The following WDPCP variants were observed in gnomAD, a reference collection of about 807,000 sequenced individuals.
WDPCP encodes WD repeat containing planar cell polarity effector.
In WDPCP, 71 loss-of-function variants were observed where a neutral mutation model predicts 93.1. The ratio of observed to expected loss-of-function variants is 0.76; its 90% confidence interval spans 0.63 to 0.93. The LOEUF is 0.93. Ranked by LOEUF, WDPCP falls within the 40% of genes least tolerant of loss-of-function variation. The probability of loss-of-function intolerance (pLI) is 0.00; values close to 1 mark genes in which losing one functional copy is unlikely to be tolerated. For synonymous variants in WDPCP, 315 were observed against 315.0 expected, an observed-to-expected ratio of 1.00 and a Z score of 0.00; for missense variants, 844 against 887.4, an observed-to-expected ratio of 0.95 and a Z score of 0.62.
At chr2:63,336,436 A>G (rs527272568) in intron 12 of WDPCP, among the ~76,000 whole-genome samples, 128 of 152,292 alleles carry the variant, frequency 8.4e-4, no homozygotes, top group African/African-American at 3.0e-3. Flanking sequence ...TTTGTTCCCA[A>G]TCTTAGGCGG....
intron 2 of WDPCP, among the ~76,000 whole-genome samples, chr2:63,661,745 T>C (rs954575614): frequency 2.6e-5 from 4 of 152,224 alleles, no homozygotes; most frequent in Non-Finnish European, 4.4e-5. Flanking sequence ...ACATAATAGA[T>C]GCTAAATACA....
chr2:63,808,003 A>G (rs774057505), intron 2 of WDPCP, among the ~76,000 whole-genome samples: 11 of 152,214 alleles, frequency 7.2e-5, no homozygotes, highest in Admixed American at 2.6e-4. Context: ...TAGATATTCA[A>G]TGTACTTACT....
chr2:63,320,060 A>G (rs1332115495), intron 12 of WDPCP, among the ~76,000 whole-genome samples: 1 of 152,184 alleles, frequency 6.6e-6, no homozygotes, highest in Non-Finnish European at 1.5e-5. Flanking sequence ...ATTTGAAGGG[A>G]AATCTATAGC....
chr2:63,426,434 C>A (rs532390193), intron 9 of WDPCP, among the ~76,000 whole-genome samples: 1 of 152,254 alleles, frequency 6.6e-6, no homozygotes, highest in African/African-American at 2.4e-5. Flanking sequence ...CCAAGAATTT[C>A]ATATCTCACC....
intron 6 of WDPCP, among the ~76,000 whole-genome samples, chr2:63,457,672 T>C (rs1266517668): frequency 6.6e-6 from 1 of 152,128 alleles, no homozygotes; most frequent in East Asian, 1.9e-4. Context: ...ATAAACATGA[T>C]ACATCACATC....
intron 3 of WDPCP, among the ~76,000 whole-genome samples, chr2:63,633,956 C>T (rs192464328): frequency 2.0e-5 from 3 of 151,974 alleles, no homozygotes; most frequent in East Asian, 1.9e-4. Context: ...CAGCTACTCA[C>T]GAGGGTGAGG....
At chr2:63,576,036 A>G (rs1708090369) in intron 1 of WDPCP, among the ~76,000 whole-genome samples, 1 of 152,140 alleles carries the variant, frequency 6.6e-6, no homozygotes, top group Non-Finnish European at 1.5e-5. Flanking sequence ...AGACAGGACA[A>G]ACCAAAGTGT....
chr2:63,484,990 G>A lies in WDPCP; in HGVS notation c.254-3C>T, dbSNP rs1341794730. 6.2e-7 allele frequency: 1 copy of A among 1,612,328 alleles called. No homozygotes were observed. Among genetic ancestry groups the A allele is most frequent in the Admixed American group, 1.7e-5 (1 of 59,788 alleles). ...GAGCGTCCAAGGATAATCTCGTGCT[G>A]GCAAATAAAACATGTACTACAGTTA... is the stretch of plus-strand genomic sequence containing the variant. On this transcript the variant is annotated splice_region_variant and splice_polypyrimidine_tract_variant and intron_variant, in intron 4 of 17. Coordinates refer to ENST00000272321, the MANE Select transcript of WDPCP (RefSeq NM_015910.7).
At chr2:63,797,202 T>C (rs573845635) in intron 2 of WDPCP, among the ~76,000 whole-genome samples, 5 of 152,164 alleles carry the variant, frequency 3.3e-5, no homozygotes, top group Non-Finnish European at 7.4e-5. Context: ...GTACTTGCCA[T>C]GGGCCTTGGG....
intron 1 of WDPCP, among the ~76,000 whole-genome samples, chr2:63,536,636 T>C (rs886471254): frequency 1.3e-5 from 2 of 151,924 alleles, no homozygotes; most frequent in Admixed American, 1.3e-4. Flanking sequence ...AAAAAAAAAT[T>C]ATCTGTAATA....
intron 1 of WDPCP, among the ~76,000 whole-genome samples, chr2:63,495,778 C>T (rs566085846): frequency 2.6e-5 from 4 of 152,172 alleles, no homozygotes; most frequent in East Asian, 1.9e-4. Context: ...TCCATCACTA[C>T]GCAAATTTGT....
intron 10 of WDPCP, among the ~76,000 whole-genome samples, chr2:63,383,241 T>A (rs1303475894): frequency 6.6e-6 from 1 of 151,888 alleles, no homozygotes; most frequent in Non-Finnish European, 1.5e-5. Flanking sequence ...CAGAAAACAA[T>A]AACAAGACAT....
At chr2:63,527,037 T>C (rs1703391144) in intron 1 of WDPCP, among the ~76,000 whole-genome samples, 1 of 152,206 alleles carries the variant, frequency 6.6e-6, no homozygotes, top group Non-Finnish European at 1.5e-5. Context: ...AAATAACTTT[T>C]ATTTTTAAGA....
chr2:63,604,981 C>A, intron 3 of WDPCP: 1 of 1,085,148 alleles, frequency 9.2e-7, no homozygotes, highest in Non-Finnish European at 1.3e-6. Context: ...GCTCTGATGA[C>A]TGCATACTTT....
At position 63,198,979 on chromosome 2, in the gene WDPCP, T is replaced by G. The variant is rs1201266469; in HGVS notation, c.1916-24147A>C. 2.0e-5 allele frequency among the ~76,000 whole-genome samples: 3 copies of G among 152,258 alleles called. No individual in the cohort carries two copies. In the East Asian group the frequency reaches 5.8e-4, roughly 29 times the overall value. ...ATGGAGATGGAAACTTACTGGGAAC[T>G]GGAGTAAAGTCACTCTTGCTATGCT... On this transcript the variant is annotated intron_variant, in intron 14 of 17. Transcript: ENST00000272321.
intron 10 of WDPCP, among the ~76,000 whole-genome samples, chr2:63,402,619 A>G (rs932276345): frequency 6.6e-6 from 1 of 152,234 alleles, no homozygotes; most frequent in African/African-American, 2.4e-5. Context: ...CAAAACCACA[A>G]TGAGATACCA....
chr2:63,332,624 A>G (rs1010673109), intron 12 of WDPCP, among the ~76,000 whole-genome samples: 1 of 152,212 alleles, frequency 6.6e-6, no homozygotes, highest in Non-Finnish European at 1.5e-5. Flanking sequence ...TATGCTGGAT[A>G]CAATACTCTA....
In WDPCP at chr2:63,206,315, G is replaced by T. The variant is rs1055851617; in HGVS notation, c.1916-31483C>A. Among the ~76,000 whole-genome samples, 4 of 152,216 alleles carry T rather than the reference G, an allele frequency of 2.6e-5. No homozygotes were observed. The East Asian group carries it at 7.7e-4, about 29-fold the overall frequency. On this transcript the variant is annotated intron_variant, in intron 14 of 17. Coordinates refer to ENST00000272321, the MANE Select transcript of WDPCP (RefSeq NM_015910.7). ...TTCCTGTCATTTTTAGAGGAGTACTGTCTGTTGGTTCTCTACTATGAGCAT... is the reference window on the plus strand; with the variant it reads ...TTCCTGTCATTTTTAGAGGAGTACTTTCTGTTGGTTCTCTACTATGAGCAT...
At chr2:63,333,903 T>C (rs1431970836) in intron 12 of WDPCP, among the ~76,000 whole-genome samples, 1 of 152,226 alleles carries the variant, frequency 6.6e-6, no homozygotes, top group Non-Finnish European at 1.5e-5. Flanking sequence ...AGAATTATCT[T>C]GACAAGTTAA....
Sources: allele counts gnomAD v4.1 joint callset (sites outside exome capture counted in the v4.1 genomes callset), GRCh38; gene constraint gnomAD v4.1.1; transcripts MANE v1.5; gene names NCBI Gene and HGNC (gene_info 2026-07-23, HGNC 2026-07-21).